GALNT13: variants seen among roughly 807,000 people sequenced by gnomAD.
The protein encoded by GALNT13 is UDP-GalNAc:polypeptide N-acetylgalactosaminyltransferase 13.
A neutral mutation model predicts 64.2 loss-of-function variants in GALNT13; 28 were observed. That is an observed-to-expected ratio of 0.44 (90% CI 0.32 to 0.60). The LOEUF is 0.60. Ranked by LOEUF, GALNT13 falls within the 20% of genes least tolerant of loss-of-function variation. The pLI, the probability that GALNT13 is intolerant of heterozygous loss-of-function variation, is 0.05. For synonymous variants in GALNT13, 214 were observed against 224.6 expected (o/e 0.95, Z 0.42); for missense variants, 577 against 669.8 (o/e 0.86, Z 1.53).
the GALNT13 span, among the ~76,000 whole-genome samples, chr2:153,532,928 A>G: frequency 6.6e-6 from 1 of 152,216 alleles, no homozygotes; most frequent in Non-Finnish European, 1.5e-5. Context: ...TTGTAATACA[A>G]AAGATAAATG....
the GALNT13 span, among the ~76,000 whole-genome samples, chr2:153,253,161 T>A: frequency 6.6e-6 from 1 of 151,106 alleles, no homozygotes; most frequent in African/African-American, 2.4e-5. Context: ...TGGTTTGTAG[T>A]TCTCCTTGAA....
At chr2:153,645,893 A>G in the GALNT13 span, among the ~76,000 whole-genome samples, 5 of 152,214 alleles carry the variant, frequency 3.3e-5, no homozygotes, top group South Asian at 1.0e-3. Flanking sequence ...TAGCTAGGCA[A>G]CCAGCACCCA....
chr2:153,642,412 T>C, the GALNT13 span, among the ~76,000 whole-genome samples: 1 of 151,786 alleles, frequency 6.6e-6, no homozygotes, highest in African/African-American at 2.4e-5. Context: ...AGAATAAAAA[T>C]AGAGCAGACA....
At chr2:153,287,440 G>A in the GALNT13 span, among the ~76,000 whole-genome samples, 1 of 152,156 alleles carries the variant, frequency 6.6e-6, no homozygotes, top group Admixed American at 6.5e-5. Context: ...TTTATGTAGT[G>A]TCCAGAAAAA....
intron 3 of GALNT13, among the ~76,000 whole-genome samples, chr2:154,073,134 A>G (rs777359552): frequency 6.6e-6 from 1 of 152,044 alleles, no homozygotes; most frequent in African/African-American, 2.4e-5. Context: ...GACAGTGACT[A>G]CACATCATTT....
the GALNT13 span, among the ~76,000 whole-genome samples, chr2:153,627,255 T>G: frequency 6.6e-6 from 1 of 152,120 alleles, no homozygotes; most frequent in Non-Finnish European, 1.5e-5. Flanking sequence ...CCTAGAAATA[T>G]CATAATTATG....
chr2:154,287,180 C>T, intron 8 of GALNT13: 3 of 1,483,704 alleles, frequency 2.0e-6, no homozygotes, highest in Non-Finnish European at 2.8e-6. Context: ...ATTGGCTCAG[C>T]AGGAAGCAGA....
the GALNT13 span, among the ~76,000 whole-genome samples, chr2:153,403,090 G>A: frequency 6.6e-6 from 1 of 151,734 alleles, no homozygotes; most frequent in African/African-American, 2.4e-5. Context: ...TGATGGTGAT[G>A]TACAGATGGG....
At chr2:153,373,866 A>G in the GALNT13 span, among the ~76,000 whole-genome samples, 1 of 152,002 alleles carries the variant, frequency 6.6e-6, no homozygotes, top group Non-Finnish European at 1.5e-5. Flanking sequence ...GCATTTGTCT[A>G]TTTGTCCTTC....
At chr2:153,882,774 A>C (rs1422362700) in intron 1 of GALNT13, among the ~76,000 whole-genome samples, 1 of 151,754 alleles carries the variant, frequency 6.6e-6, no homozygotes, top group Non-Finnish European at 1.5e-5. Flanking sequence ...GGCTACAGAA[A>C]TGTCTCACCA....
chr2:153,548,361 G>A, the GALNT13 span, among the ~76,000 whole-genome samples: 299 of 152,294 alleles, frequency 2.0e-3, no homozygotes, highest in African/African-American at 6.9e-3. Context: ...AGCAAAATGT[G>A]TGTCTCCAAA....
chr2:153,785,932 G>C, the GALNT13 span, among the ~76,000 whole-genome samples: 23 of 151,878 alleles, frequency 1.5e-4, no homozygotes, highest in Admixed American at 2.0e-4. Flanking sequence ...TGGTCAGACT[G>C]TTCCCCATGG....
At chr2:153,408,044 C>A in the GALNT13 span, among the ~76,000 whole-genome samples, 1 of 152,130 alleles carries the variant, frequency 6.6e-6, no homozygotes, top group Admixed American at 6.5e-5. Context: ...TACATCTGAG[C>A]GGGAGTGGAT....
the GALNT13 span, among the ~76,000 whole-genome samples, chr2:153,240,925 C>T: frequency 5.3e-5 from 8 of 152,148 alleles, no homozygotes; most frequent in Middle Eastern, 3.4e-3. Context: ...TTTCAGTTGG[C>T]GCTCCCTAAT....
intron 3 of GALNT13, among the ~76,000 whole-genome samples, chr2:154,095,562 A>AT (rs949057758): frequency 5.3e-5 from 8 of 151,798 alleles, no homozygotes; most frequent in South Asian, 2.1e-4. Flanking sequence ...ATCCTTAACT[A>AT]TTTTTTTAAT....
the GALNT13 span, among the ~76,000 whole-genome samples, chr2:153,079,738 C>G: frequency 6.6e-6 from 1 of 152,242 alleles, no homozygotes; most frequent in Non-Finnish European, 1.5e-5. Flanking sequence ...CATTTGGTAC[C>G]TGAGACTGAG....
At chr2:153,695,141 T>C in the GALNT13 span, among the ~76,000 whole-genome samples, 1 of 152,152 alleles carries the variant, frequency 6.6e-6, no homozygotes, top group Non-Finnish European at 1.5e-5. Flanking sequence ...ACATATTGCC[T>C]ACTGGGGAAG....
the GALNT13 span, among the ~76,000 whole-genome samples, chr2:153,583,737 CT>C: frequency 2.6e-5 from 4 of 152,174 alleles, no homozygotes; most frequent in Non-Finnish European, 5.9e-5. Flanking sequence ...AGACATCATT[CT>C]TGATCCTAGC....
chr2:154,361,693 G>A (rs1214579676), intron 9 of GALNT13, among the ~76,000 whole-genome samples: 1 of 151,998 alleles, frequency 6.6e-6, no homozygotes, highest in Non-Finnish European at 1.5e-5. Flanking sequence ...ACTATTGTGC[G>A]ATTCCATACT....
Sources: gnomAD v4.1 joint callset for allele counts (sites outside exome capture counted in the v4.1 genomes callset) on GRCh38, gnomAD v4.1.1 for gene constraint, MANE v1.5 for transcripts, NCBI Gene and HGNC (gene_info 2026-07-23, HGNC 2026-07-21) for gene names.